The following CCDC192 variants were observed in gnomAD, a reference collection of about 807,000 sequenced individuals.
CCDC192 encodes coiled-coil domain-containing protein 192.
chr5:127,737,698 C>G (rs1412445464), intron 2 of CCDC192, among the ~76,000 whole-genome samples: 4 of 151,676 alleles, frequency 2.6e-5, no homozygotes, highest in Non-Finnish European at 4.4e-5. Context: ...CCTTCTTTGT[C>G]TCTTTTGATC....
chr5:127,709,425 T>G (rs1336760399), intron 2 of CCDC192, among the ~76,000 whole-genome samples: 3 of 152,086 alleles, frequency 2.0e-5, no homozygotes, highest in Non-Finnish European at 4.4e-5. Context: ...CAACATGAGA[T>G]TTGGACAGGG....
At chr5:127,935,179 C>G (rs977803572) in intron 6 of CCDC192, 3 of 152,196 alleles carry the variant, frequency 2.0e-5, no homozygotes, top group Non-Finnish European at 4.4e-5. Flanking sequence ...CTGCCCCTCC[C>G]CTACTTCACT....
At chr5:127,774,576 G>T (rs532290736) in intron 3 of CCDC192, among the ~76,000 whole-genome samples, 1 of 152,278 alleles carries the variant, frequency 6.6e-6, no homozygotes, top group South Asian at 2.1e-4. Flanking sequence ...TTTTTGGGTT[G>T]ATTTCGGAAC....
At chr5:127,703,154 C>G (rs147569521), upstream of CCDC192, among the ~76,000 whole-genome samples, 24 of 152,316 alleles carry the variant, frequency 1.6e-4, no homozygotes, top group Non-Finnish European at 3.1e-4. Context: ...GGTTTGAGCA[C>G]AAAACCACTG....
At chr5:127,705,691 A>G (rs576997653) in intron 1 of CCDC192, among the ~76,000 whole-genome samples, 6 of 152,104 alleles carry the variant, frequency 3.9e-5, no homozygotes, top group Admixed American at 3.9e-4. Context: ...TATGGTGTGA[A>G]GAAATGTAAG....
At chr5:127,884,160 G>A (rs956351948) in intron 6 of CCDC192, among the ~76,000 whole-genome samples, 5 of 151,732 alleles carry the variant, frequency 3.3e-5, no homozygotes, top group African/African-American at 4.8e-5. Context: ...TAGCTAACAC[G>A]GTGAAACCCT....
At chr5:127,852,568 A>C (rs1427913552) in intron 5 of CCDC192, among the ~76,000 whole-genome samples, 2 of 152,202 alleles carry the variant, frequency 1.3e-5, no homozygotes, top group Non-Finnish European at 2.9e-5. Context: ...TCCCAACCAG[A>C]GCCTCGGCTG....
intron 5 of CCDC192, among the ~76,000 whole-genome samples, chr5:127,858,121 G>A (rs1407478917): frequency 6.6e-6 from 1 of 152,150 alleles, no homozygotes; most frequent in African/African-American, 2.4e-5. Flanking sequence ...ACAATACTTA[G>A]CCCACAGCAT....
At chr5:127,857,762 A>G (rs1367050563) in intron 5 of CCDC192, 1 of 152,186 alleles carries the variant, frequency 6.6e-6, no homozygotes, top group African/African-American at 2.4e-5. Context: ...AGGTTGCTTT[A>G]TTGAGGCATG....
At chr5:127,830,704 A>G (rs1266671453) in intron 5 of CCDC192, among the ~76,000 whole-genome samples, 1 of 152,038 alleles carries the variant, frequency 6.6e-6, no homozygotes, top group African/African-American at 2.4e-5. Flanking sequence ...TTGGCCCACA[A>G]CATTCTCTTG....
At chr5:127,882,472 G>C (rs973146967) in intron 6 of CCDC192, among the ~76,000 whole-genome samples, 1 of 152,104 alleles carries the variant, frequency 6.6e-6, no homozygotes, top group Admixed American at 6.5e-5. Context: ...ATGGCAACTA[G>C]GTGTTAGGAA....
chr5:127,907,294 A>T lies in CCDC192; in HGVS notation c.535+31633A>T, dbSNP rs556350195. Among the ~76,000 whole-genome samples, 21 of 152,078 alleles carry T rather than the reference A, an allele frequency of 1.4e-4. No homozygotes were observed. The East Asian group carries it at 4.1e-3, about 29-fold the overall frequency. ...TAAAATAATTCATTTATATAGGGGT[A>T]TTTTTTTCAAATTTTATGTTTTAAA... On this transcript the variant is annotated intron_variant, in intron 6 of 6. Coordinates refer to ENST00000514853, the MANE Select transcript of CCDC192 (RefSeq NM_001317938.2).
chr5:127,714,479 C>T (rs2126785389), intron 2 of CCDC192, among the ~76,000 whole-genome samples: 1 of 152,124 alleles, frequency 6.6e-6, no homozygotes, highest in East Asian at 1.9e-4. Flanking sequence ...ACCTCTGCCT[C>T]CCAGATTCAA....
chr5:127,929,099 C>T (rs1753947405), intron 6 of CCDC192, among the ~76,000 whole-genome samples: 2 of 152,132 alleles, frequency 1.3e-5, no homozygotes, highest in South Asian at 4.1e-4. Context: ...AGAGGGGCCA[C>T]CACTCAGAGA....
At chr5:127,877,799 T>A (rs1318018186) in intron 6 of CCDC192, among the ~76,000 whole-genome samples, 1 of 151,934 alleles carries the variant, frequency 6.6e-6, no homozygotes, top group Non-Finnish European at 1.5e-5. Flanking sequence ...CCCACACACA[T>A]ATTTCTGGAC....
At chr5:127,704,665 A>G (rs1750857166) in intron 1 of CCDC192, among the ~76,000 whole-genome samples, 1 of 152,152 alleles carries the variant, frequency 6.6e-6, no homozygotes, top group Non-Finnish European at 1.5e-5. Context: ...AAATTAAATA[A>G]TCTATGGGAG....
At chr5:127,845,732 A>T (rs112316917) in intron 5 of CCDC192, among the ~76,000 whole-genome samples, 1,638 of 151,704 alleles carry the variant, frequency 0.011, 16 homozygotes, top group African/African-American at 0.036. Context: ...ATGCAATTTT[A>T]AAAAAAAAGC....
rs747583008 is a variant in CCDC192 at position 127,934,634 on chromosome 5, A to G, written c.536-6548A>G. ...AGGACTAATTTGATTTTCAAAAAGA[A>G]AAATATTTGTACTACAATACAAAAA... On this transcript the variant is annotated intron_variant, in intron 6 of 6. Transcript: ENST00000514853. Among the ~76,000 whole-genome samples the G allele has an allele frequency of 1.3e-3, 197 of 152,230 alleles. 1 individual carries two copies. Among genetic ancestry groups the G allele is most frequent in the Non-Finnish European group, 9.0e-4 (61 of 68,042 alleles).
intron 5 of CCDC192, among the ~76,000 whole-genome samples, chr5:127,872,118 G>A (rs1030407846): frequency 6.6e-6 from 1 of 152,110 alleles, no homozygotes; most frequent in Middle Eastern, 3.2e-3. Flanking sequence ...CTTGGTTAAA[G>A]CTATGAATTA....
Sources: allele counts gnomAD v4.1 joint callset (sites outside exome capture counted in the v4.1 genomes callset), GRCh38; gene constraint gnomAD v4.1.1; transcripts MANE v1.5; gene names NCBI Gene and HGNC (gene_info 2026-07-23, HGNC 2026-07-21).